Variants in FAM222B observed in about 807,000 individuals in gnomAD.
FAM222B encodes the protein protein FAM222B.
A neutral mutation model predicts 38.0 loss-of-function variants in FAM222B; 12 were observed. The observed-to-expected ratio is 0.32, with a 90% CI of 0.20 to 0.51. FAM222B has a LOEUF of 0.51. Ranked by LOEUF, FAM222B falls within the 20% of genes least tolerant of loss-of-function variation. FAM222B has a pLI of 0.97. For missense variants in FAM222B, 716 were observed against 754.2 expected (o/e 0.95, Z 0.59); for synonymous variants, 329 against 317.2 (o/e 1.04, Z -0.40).
chr17:28,802,657 T>G (rs2037292775), intron 1 of FAM222B: 1 of 179,890 alleles, frequency 5.6e-6, no homozygotes, highest in Admixed American at 5.6e-5. Context: ...TCAACAAAGC[T>G]GTCTGGGCCA....
chr17:28,840,048 G>A (rs8069592), intron 1 of FAM222B, among the ~76,000 whole-genome samples: 4,366 of 152,112 alleles, frequency 0.029, 214 homozygotes, highest in African/African-American at 0.1. Flanking sequence ...AAGTGTCTAT[G>A]TCCTTTTAAA....
chr17:28,811,204 G>GC (rs1229399765), intron 1 of FAM222B, among the ~76,000 whole-genome samples: 3 of 152,178 alleles, frequency 2.0e-5, no homozygotes, highest in Non-Finnish European at 4.4e-5. Flanking sequence ...ACTTTGGGAG[G>GC]CCGAGGCGGG....
chr17:28,821,717 T>A (rs1205951292), intron 1 of FAM222B, among the ~76,000 whole-genome samples: 1 of 152,064 alleles, frequency 6.6e-6, no homozygotes, highest in Admixed American at 6.6e-5. Context: ...ATACCAGCAC[T>A]TTGGGAGGCT....
At chr17:28,811,136 G>C (rs1322535662) in intron 1 of FAM222B, among the ~76,000 whole-genome samples, 1 of 152,088 alleles carries the variant, frequency 6.6e-6, no homozygotes, top group Admixed American at 6.6e-5. Flanking sequence ...CTCCAAACAC[G>C]TTTCGTTGAA....
In FAM222B at chr17:28,820,950, C is replaced by CT. The variant is rs1456864304; in HGVS notation, c.-41+21731dup. Among the ~76,000 whole-genome samples the CT allele has an allele frequency of 3.0e-3, 427 of 144,340 alleles. 7 individuals are homozygous for CT. The highest frequency in any genetic ancestry group is 6.4e-3 in the South Asian group (28 of 4,394). The allele number at this position is 144,340 out of a possible 152,430, so 94.7% of individuals were successfully genotyped here. On this transcript the variant is annotated intron_variant, in intron 1 of 2. Coordinates refer to ENST00000581407, the MANE Select transcript of FAM222B (RefSeq NM_001077498.3). ...CCACTGCACCCAGTCTGGTAAAACTCTTTTTATTTTATTTTTTTTTTTTTG... is the reference window on the plus strand; with the variant it reads ...CCACTGCACCCAGTCTGGTAAAACTCTTTTTTATTTTATTTTTTTTTTTTTG...
intron 1 of FAM222B, among the ~76,000 whole-genome samples, chr17:28,800,440 G>C (rs1259407328): frequency 2.0e-5 from 3 of 152,200 alleles, no homozygotes; most frequent in Admixed American, 1.3e-4. Flanking sequence ...AAATTGATGT[G>C]CAGGCTGAAG....
Position 28,853,941 on chromosome 17 carries a change from CTTTTTTT to C in FAM222B, c.-41+1002_-41+1008del, listed in dbSNP as rs34393247. Among the ~76,000 whole-genome samples the C allele has an allele frequency of 2.5e-5, 3 of 119,980 alleles. 1 individual carries two copies. The South Asian group carries it at 8.5e-4, about 34-fold the overall frequency. The allele number at this position is 119,980 out of a possible 152,430, so 78.7% of individuals were successfully genotyped here. On this transcript the variant is annotated intron_variant, in intron 1 of 2. Transcript: ENST00000577513. Reference sequence around the variant, plus strand: ...CCTCTACCAAAGTTTATCTCTGTTTCTTTTTTTTTTTTTTTTTTTTGAGATGGAGTCT... The same window carrying C: ...CCTCTACCAAAGTTTATCTCTGTTTCTTTTTTTTTTTTTGAGATGGAGTCT...
chr17:28,821,073 A>C (rs922298053), intron 1 of FAM222B, among the ~76,000 whole-genome samples: 1 of 150,420 alleles, frequency 6.6e-6, no homozygotes, highest in Non-Finnish European at 1.5e-5. Context: ...CTCCTGCCTC[A>C]GTCTCCCAAG....
intron 1 of FAM222B, among the ~76,000 whole-genome samples, chr17:28,826,990 T>C (rs1369347617): frequency 6.6e-6 from 1 of 151,986 alleles, no homozygotes; most frequent in African/African-American, 2.4e-5. Context: ...AAAAAATTTT[T>C]TTTTTCATTA....
chr17:28,827,440 A>G lies in FAM222B; in HGVS notation c.-41+15242T>C, dbSNP rs562650834. Reference sequence around the variant, plus strand: ...ATCCAGATGAGGAAACAGAATAGCAATTAAATAATAAATGTAAGGAACATG... The same window carrying G: ...ATCCAGATGAGGAAACAGAATAGCAGTTAAATAATAAATGTAAGGAACATG... On this transcript the variant is annotated intron_variant, in intron 1 of 2. Coordinates refer to ENST00000581407, the MANE Select transcript of FAM222B (RefSeq NM_001077498.3). Among the ~76,000 whole-genome samples the G allele has an allele frequency of 2.6e-5, 4 of 152,342 alleles. No individual in the cohort carries two copies. The South Asian group carries it at 8.3e-4, about 32-fold the overall frequency.
In FAM222B at chr17:28,816,530, C is replaced by T. The variant is rs111330182; in HGVS notation, c.-41+26152G>A. ...CTTGAGCACCCTATTTTGCAAATTT[C>T]CTAAATGGCATTTATAACAACCAAA... On this transcript the variant is annotated intron_variant, in intron 1 of 2. Transcript: ENST00000581407. Among the ~76,000 whole-genome samples, 1,191 of 151,960 alleles carry T rather than the reference C, an allele frequency of 7.8e-3. 12 individuals carry two copies. Among genetic ancestry groups the T allele is most frequent in the Non-Finnish European group, 0.011 (755 of 67,964 alleles).
At chr17:28,765,333 A>G (rs2035279141) in intron 2 of FAM222B, among the ~76,000 whole-genome samples, 1 of 152,194 alleles carries the variant, frequency 6.6e-6, no homozygotes, top group Admixed American at 6.5e-5. Flanking sequence ...GTTTCACTGG[A>G]ACACAGACAC....
rs36029715 is a variant in FAM222B, at chr17:28,758,335, C to T, written c.1624G>A (p.Gly542Ser). ...TCTGTGGGATCGGGGGCTCGGTTGC[C>T]AGGGGCTCGGTGGGCCTTGCTCAGC... ...AMLSKAHRAP[G>S]NRAPDPTESR... Residue 542 changes from glycine (G) to serine (S), a missense_variant, in exon 3 of 3, where the codon GGC becomes AGC. By Grantham distance (56) the Gly-to-Ser change is moderately conservative. Transcript: ENST00000581407. 1.2e-3 allele frequency: 1,926 copies of T among 1,611,720 alleles called. 17 individuals are homozygous for T. The African/African-American group carries it at 0.023, about 19-fold the overall frequency.
chr17:28,825,433 CAAAAAAAAAAAAA>C (rs935599439), intron 1 of FAM222B, among the ~76,000 whole-genome samples: 8 of 41,302 alleles, frequency 1.9e-4, no homozygotes, highest in African/African-American at 6.6e-4. Context: ...GATCCCGTCT[CAAAAAAAAAAAAA>C]AAAAAAAAAC....
intron 1 of FAM222B, among the ~76,000 whole-genome samples, chr17:28,825,319 C>T (rs1417472296): frequency 2.0e-5 from 3 of 151,400 alleles, no homozygotes; most frequent in Non-Finnish European, 4.4e-5. Context: ...ACCTATGGTC[C>T]CAGCTACTTG....
intron 1 of FAM222B, among the ~76,000 whole-genome samples, chr17:28,804,951 C>T (rs1031597769): frequency 2.6e-5 from 4 of 151,530 alleles, no homozygotes; most frequent in Admixed American, 1.3e-4. Flanking sequence ...GAGGCTGAGG[C>T]GGGGGAATGG....
chr17:28,818,811 TAA>T (rs2038119552), intron 1 of FAM222B, among the ~76,000 whole-genome samples: 3 of 152,182 alleles, frequency 2.0e-5, no homozygotes, highest in South Asian at 2.1e-4. Context: ...GTAGAAAAAG[TAA>T]AAAGCCAAAA....
rs1793465874 is a variant in FAM222B, at chr17:28,851,390, C to T, written c.-41+3560G>A. ...TCTACTAAAAATACAAAAAATTAGC[C>T]GGGCGTGGTGGCAGAAGACTGTAAC... On this transcript the variant is annotated intron_variant, in intron 1 of 2. Transcript: ENST00000577513. Among the ~76,000 whole-genome samples, 3 of 151,384 alleles carry T rather than the reference C, an allele frequency of 2.0e-5. No homozygotes were observed. In the South Asian group the frequency reaches 6.3e-4, roughly 32 times the overall value.
chr17:28,802,164 C>A (rs1291416928), intron 1 of FAM222B, among the ~76,000 whole-genome samples: 3 of 150,636 alleles, frequency 2.0e-5, no homozygotes, highest in Non-Finnish European at 4.4e-5. Flanking sequence ...ATGGTGCGAT[C>A]TCGGCTTACT....
Sources: gnomAD v4.1 joint callset for allele counts (sites outside exome capture counted in the v4.1 genomes callset) on GRCh38, gnomAD v4.1.1 for gene constraint, MANE v1.5 for transcripts, NCBI Gene and HGNC (gene_info 2026-07-23, HGNC 2026-07-21) for gene names.